The following NAV2 variants were observed in gnomAD, a reference collection of about 807,000 sequenced individuals.
NAV2 encodes the protein neuron navigator 2, also known as helicase, APC down-regulated 1.
NAV2 carries 54 observed loss-of-function variants against 223.2 expected under a neutral mutation model. The ratio of observed to expected loss-of-function variants is 0.24; its 90% confidence interval spans 0.19 to 0.30. The LOEUF (loss-of-function observed/expected upper bound fraction) is 0.30. NAV2 is among the 10% of genes least tolerant of loss of function. NAV2 has a pLI of 1.00. For missense variants in NAV2, 2,806 were observed against 3,147.5 expected (o/e 0.89, Z 2.60); for synonymous variants, 1,279 against 1,239.3 (o/e 1.03, Z -0.67).
chr11:20,022,850 T>G, intron 11 of NAV2: 3 of 1,287,478 alleles, frequency 2.3e-6, no homozygotes, highest in Non-Finnish European at 2.9e-6. Flanking sequence ...TTTTCACAGC[T>G]GACTTGATAC....
intron 11 of NAV2, among the ~76,000 whole-genome samples, chr11:20,028,674 T>A (rs751099383): frequency 2.0e-5 from 3 of 152,200 alleles, no homozygotes; most frequent in African/African-American, 7.2e-5. Context: ...ATCCTTCTGA[T>A]GAGCTCTGCG....
At chr11:19,928,980 C>T (rs1231874999) in intron 6 of NAV2, among the ~76,000 whole-genome samples, 4 of 152,092 alleles carry the variant, frequency 2.6e-5, no homozygotes, top group Admixed American at 2.0e-4. Flanking sequence ...GAAGGCCAGG[C>T]GCGGTGGCTC....
intron 1 of NAV2, among the ~76,000 whole-genome samples, chr11:19,632,402 A>G (rs906886860): frequency 6.6e-6 from 1 of 152,110 alleles, no homozygotes; most frequent in African/African-American, 2.4e-5. Context: ...AAATGAAATA[A>G]TGTTCATGTC....
intron 1 of NAV2, among the ~76,000 whole-genome samples, chr11:19,448,253 G>A (rs1396421158): frequency 6.6e-6 from 1 of 152,044 alleles, no homozygotes; most frequent in Non-Finnish European, 1.5e-5. Context: ...GAGGAGGTGT[G>A]GGCAGGCAGG....
At chr11:20,077,832 T>C (rs897802421) in intron 23 of NAV2, among the ~76,000 whole-genome samples, 161 bp from the exon 24 acceptor site, 8 of 152,238 alleles carry the variant, frequency 5.3e-5, no homozygotes, top group African/African-American at 1.9e-4. Context: ...CTTGTAGTTA[T>C]AATCCTACTT....
At chr11:19,523,417 C>T (rs2043737181) in intron 1 of NAV2, among the ~76,000 whole-genome samples, 1 of 152,222 alleles carries the variant, frequency 6.6e-6, no homozygotes, top group Admixed American at 6.5e-5. Flanking sequence ...CTTTCTGGGC[C>T]TCAGTTTCCC....
chr11:19,475,212 C>T lies in NAV2; in HGVS notation c.75+124185C>T, dbSNP rs11025150. Among the ~76,000 whole-genome samples the T allele has an allele frequency of 0.013, 2,049 of 152,288 alleles. 109 individuals carry two copies. The East Asian group carries it at 0.17, about 13-fold the overall frequency. On this transcript the variant is annotated intron_variant, in intron 1 of 37. Transcript: ENST00000360655. ...TCTCTTTCTGATATATGAGCAACGG[C>T]GTGTGTAGCTGCTGGGCATGTTTTG...
chr11:19,739,346 C>A (rs1395003794), intron 1 of NAV2, among the ~76,000 whole-genome samples: 1 of 152,160 alleles, frequency 6.6e-6, no homozygotes, highest in African/African-American at 2.4e-5. Context: ...CTAGAGCATT[C>A]TCATTTTATT....
chr11:19,632,094 G>A (rs564425019), intron 1 of NAV2, among the ~76,000 whole-genome samples: 4 of 152,248 alleles, frequency 2.6e-5, no homozygotes, highest in East Asian at 1.9e-4. Context: ...ATTACATGTC[G>A]CTTCAAAGGC....
At chr11:19,739,152 A>T (rs2052584944) in intron 1 of NAV2, among the ~76,000 whole-genome samples, 1 of 152,216 alleles carries the variant, frequency 6.6e-6, no homozygotes, top group Non-Finnish European at 1.5e-5. Context: ...ACTGGGCTTC[A>T]GTCTGGGTGA....
intron 3 of NAV2, among the ~76,000 whole-genome samples, chr11:19,849,144 T>C (rs556066776): frequency 2.6e-5 from 4 of 152,330 alleles, no homozygotes; most frequent in African/African-American, 7.2e-5. Context: ...ATTTTGTACA[T>C]GGGGACTGAG....
intron 25 of NAV2, among the ~76,000 whole-genome samples, chr11:20,080,845 A>G (rs2060046596): frequency 6.6e-6 from 1 of 152,210 alleles, no homozygotes; most frequent in Admixed American, 6.5e-5. Context: ...ATTTCTGGAC[A>G]GTGGTGCCTT....
At chr11:19,534,482 G>A (rs1044409175) in intron 1 of NAV2, among the ~76,000 whole-genome samples, 2 of 152,330 alleles carry the variant, frequency 1.3e-5, no homozygotes, top group South Asian at 2.1e-4. Flanking sequence ...TCTCATGGAA[G>A]GAGAGCAATA....
chr11:19,780,378 C>G (rs1268824530), intron 1 of NAV2, among the ~76,000 whole-genome samples: 1 of 152,230 alleles, frequency 6.6e-6, no homozygotes, highest in Non-Finnish European at 1.5e-5. Context: ...CACCCTAGTT[C>G]CCTTCTTTTA....
At chr11:19,801,835 C>T (rs2058283734) in intron 1 of NAV2, among the ~76,000 whole-genome samples, 1 of 152,040 alleles carries the variant, frequency 6.6e-6, no homozygotes, top group Non-Finnish European at 1.5e-5. Context: ...TCTTGAACTC[C>T]CAGGGTTGTT....
intron 1 of NAV2, among the ~76,000 whole-genome samples, chr11:19,514,194 G>A (rs1182049229): frequency 1.3e-5 from 2 of 152,074 alleles, no homozygotes; most frequent in African/African-American, 2.4e-5. Flanking sequence ...TGATGCTTTT[G>A]TGCAGCTCTT....
chr11:19,714,104 T>A, intron 1 of NAV2, 142 bp downstream of exon 1: 2 of 1,270,024 alleles, frequency 1.6e-6, no homozygotes, highest in Non-Finnish European at 2.2e-6. Flanking sequence ...GGCCGGCAGG[T>A]TGGGGGATGC....
chr11:19,414,383 A>G (rs1292866243), intron 1 of NAV2, among the ~76,000 whole-genome samples: 1 of 152,254 alleles, frequency 6.6e-6, no homozygotes, highest in Non-Finnish European at 1.5e-5. Flanking sequence ...TCAATGCAAC[A>G]AGAAGAGCTA....
At chr11:19,685,262 A>G (rs893267649) in intron 1 of NAV2, among the ~76,000 whole-genome samples, 3 of 152,182 alleles carry the variant, frequency 2.0e-5, no homozygotes, top group African/African-American at 7.2e-5. Context: ...ATTTCCAGCC[A>G]AATGGGAGTT....
Sources: gnomAD v4.1 joint callset for allele counts (sites outside exome capture counted in the v4.1 genomes callset) on GRCh38, gnomAD v4.1.1 for gene constraint, MANE v1.5 for transcripts, NCBI Gene and HGNC (gene_info 2026-07-23, HGNC 2026-07-21) for gene names.